The following DNAJC15 variants were observed in gnomAD, a reference collection of about 807,000 sequenced individuals.
DNAJC15 encodes the protein DnaJ heat shock protein family (Hsp40) member C15, also known as dnaJ homolog subfamily C member 15.
Under a neutral mutation model 22.4 loss-of-function variants are expected in DNAJC15, and 27 were observed. That is an observed-to-expected ratio of 1.20 (90% confidence interval 0.89 to 1.66). The LOEUF is 1.66. Among genes scored for constraint, DNAJC15 ranks in the 40% most tolerant of loss-of-function variants. The pLI, the probability that DNAJC15 is intolerant of heterozygous loss-of-function variation, is 0.00. For missense variants in DNAJC15, 208 were observed against 187.1 expected (o/e 1.11, Z -0.65); for synonymous variants, 79 against 63.2 (o/e 1.25, Z -1.19).
At position 43,023,625 on chromosome 13, in the gene DNAJC15, C is replaced by A; in HGVS notation, c.-2C>A. On this transcript the variant is annotated 5_prime_UTR_variant, in exon 1 of 6. Coordinates refer to ENST00000379221, the MANE Select transcript of DNAJC15 (RefSeq NM_013238.3). ...CGCCTTGAGTCTCCGGGCCGCCTTG[C>A]CATGGCTGCCCGTGGTGTCATCGCT... 4.4e-6 allele frequency: 7 copies of A among 1,608,610 alleles called. No homozygotes were observed. Among genetic ancestry groups the A allele is most frequent in the Non-Finnish European group, 5.9e-6 (7 of 1,177,656 alleles).
chr13:43,027,428 G>A (rs1385493559), intron 1 of DNAJC15, among the ~76,000 whole-genome samples: 1 of 151,862 alleles, frequency 6.6e-6, no homozygotes, highest in East Asian at 1.9e-4. Context: ...GTTATTATTA[G>A]GATAGTGTAA....
rs549818561 is a variant in DNAJC15, at chr13:43,109,492, A to G, written c.*2244A>G. On this transcript the variant is annotated 3_prime_UTR_variant, in exon 6 of 6. Transcript: ENST00000379221. Reference sequence around the variant, plus strand: ...TCAGATGCACCTTTTAATTGATGTCATATTTTCCTAATCCATACTTTATTC... The same window carrying G: ...TCAGATGCACCTTTTAATTGATGTCGTATTTTCCTAATCCATACTTTATTC... 3.3e-5 allele frequency: 5 copies of G among 152,310 alleles called. No individual in the cohort carries two copies. Among genetic ancestry groups the G allele is most frequent in the African/African-American group, 1.2e-4 (5 of 41,570 alleles). 9.4% of individuals were successfully genotyped at this position (152,310 alleles called of 1,614,324 possible).
intron 3 of DNAJC15, among the ~76,000 whole-genome samples, chr13:43,073,375 G>A (rs903200338): frequency 1.3e-5 from 2 of 152,142 alleles, no homozygotes; most frequent in Non-Finnish European, 2.9e-5. Context: ...AGGCTTCTGG[G>A]TTCTGAAATG....
chr13:43,094,552 A>T (rs1016562188), intron 5 of DNAJC15, among the ~76,000 whole-genome samples: 3 of 152,178 alleles, frequency 2.0e-5, no homozygotes, highest in Non-Finnish European at 2.9e-5. Context: ...CTCTAATCGC[A>T]GTCTCCTTAG....
chr13:43,041,113 A>G (rs377639876), intron 1 of DNAJC15, among the ~76,000 whole-genome samples: 14 of 152,156 alleles, frequency 9.2e-5, no homozygotes, highest in African/African-American at 3.4e-4. Flanking sequence ...GGGGACGGTC[A>G]GGTCTTTCCC....
rs572391583 is a variant in DNAJC15, at chr13:43,025,032, C to A, written c.108+1298C>A. On this transcript the variant is annotated intron_variant, in intron 1 of 5. Transcript: ENST00000379221. ...CTATGATTTCGCCACTGCACTCCAGCCTGAGAGACAGAGCTAGACCCTGTC... is the reference window on the plus strand; with the variant it reads ...CTATGATTTCGCCACTGCACTCCAGACTGAGAGACAGAGCTAGACCCTGTC... Among the ~76,000 whole-genome samples the A allele has an allele frequency of 7.2e-5, 11 of 151,950 alleles. No homozygotes were observed. The South Asian group carries it at 2.3e-3, about 32-fold the overall frequency.
chr13:43,081,131 C>T (rs2040659733), intron 4 of DNAJC15, among the ~76,000 whole-genome samples: 1 of 152,134 alleles, frequency 6.6e-6, no homozygotes, highest in Non-Finnish European at 1.5e-5. Context: ...TTATGTTTTT[C>T]CTTGCAAGAG....
At chr13:43,092,243 AC>A (rs1317803512) in intron 5 of DNAJC15, among the ~76,000 whole-genome samples, 2 of 152,146 alleles carry the variant, frequency 1.3e-5, no homozygotes, top group Non-Finnish European at 1.5e-5. Context: ...GATTTATAGT[AC>A]TGCTTTTTGC....
chr13:43,053,673 G>A (rs1026329620), intron 1 of DNAJC15, among the ~76,000 whole-genome samples: 1 of 142,218 alleles, frequency 7.0e-6, no homozygotes, highest in Non-Finnish European at 1.6e-5. Context: ...TTTCTTTGCA[G>A]CTATTGTAAA....
At chr13:43,034,824 C>T (rs2040422205) in intron 1 of DNAJC15, among the ~76,000 whole-genome samples, 2 of 152,088 alleles carry the variant, frequency 1.3e-5, no homozygotes, top group Admixed American at 6.5e-5. Flanking sequence ...CACTTCCTTG[C>T]TTTCTGGCAC....
chr13:43,025,379 A>AAG (rs149898279), intron 1 of DNAJC15, among the ~76,000 whole-genome samples: 6,507 of 152,108 alleles, frequency 0.043, 368 homozygotes, highest in East Asian at 0.14. Context: ...TTTTACTTGG[A>AAG]AGAGGAGAGA....
At chr13:43,043,239 C>G (rs1165091301) in intron 1 of DNAJC15, among the ~76,000 whole-genome samples, 1 of 152,192 alleles carries the variant, frequency 6.6e-6, no homozygotes, top group Non-Finnish European at 1.5e-5. Context: ...TCCCCAGTAG[C>G]TGGGACTACA....
intron 1 of DNAJC15, among the ~76,000 whole-genome samples, chr13:43,044,335 A>G (rs914066984): frequency 6.6e-6 from 1 of 152,214 alleles, no homozygotes; most frequent in Non-Finnish European, 1.5e-5. Context: ...CCATTAGTAG[A>G]TGAGACCTCT....
At chr13:43,082,019 A>G (rs1712810275) in intron 4 of DNAJC15, among the ~76,000 whole-genome samples, 1 of 152,120 alleles carries the variant, frequency 6.6e-6, no homozygotes, top group South Asian at 2.1e-4. Context: ...CTTAGTCACT[A>G]TCATGAGAAC....
At chr13:43,034,031 A>G (rs2040415919) in intron 1 of DNAJC15, among the ~76,000 whole-genome samples, 1 of 150,264 alleles carries the variant, frequency 6.7e-6, no homozygotes, top group Non-Finnish European at 1.5e-5. Flanking sequence ...TTCATCTCAA[A>G]AAAAAAAAAA....
At chr13:43,080,136 T>G (rs993364986) in intron 4 of DNAJC15, among the ~76,000 whole-genome samples, 8 of 152,138 alleles carry the variant, frequency 5.3e-5, no homozygotes, top group African/African-American at 1.9e-4. Flanking sequence ...GATAAACTTG[T>G]GTCACAGGGG....
intron 3 of DNAJC15, among the ~76,000 whole-genome samples, chr13:43,070,066 A>G (rs547868008): frequency 1.5e-4 from 23 of 152,312 alleles, no homozygotes; most frequent in Admixed American, 9.2e-4. Flanking sequence ...GAAATTTTCA[A>G]TGTTTATGTA....
At chr13:43,073,090 T>G (rs560361970) in intron 3 of DNAJC15, among the ~76,000 whole-genome samples, 1 of 152,336 alleles carries the variant, frequency 6.6e-6, no homozygotes, top group South Asian at 2.1e-4. Context: ...TGCTCAAATG[T>G]CCAGTGATCC....
At chr13:43,048,617 C>G (rs913221762) in intron 1 of DNAJC15, among the ~76,000 whole-genome samples, 4 of 152,174 alleles carry the variant, frequency 2.6e-5, no homozygotes, top group African/African-American at 9.7e-5. Flanking sequence ...AACTAAATTT[C>G]TAAATTTGAT....
Sources: allele counts gnomAD v4.1 joint callset (sites outside exome capture counted in the v4.1 genomes callset), GRCh38; gene constraint gnomAD v4.1.1; transcripts MANE v1.5; gene names NCBI Gene and HGNC (gene_info 2026-07-23, HGNC 2026-07-21).